Variants in SGCZ observed in about 807,000 individuals in gnomAD.
SGCZ encodes the protein zeta-sarcoglycan.
A neutral mutation model predicts 41.3 loss-of-function variants in SGCZ; 40 were observed. The ratio of observed to expected loss-of-function variants is 0.97; its 90% CI spans 0.75 to 1.26. The LOEUF is 1.26. Among genes scored for constraint, SGCZ ranks in the 50% most tolerant of loss-of-function variants. The probability of loss-of-function intolerance (pLI) is 0.00; values close to 1 mark genes in which losing one functional copy is unlikely to be tolerated. For missense variants in SGCZ, 552 were observed against 369.8 expected (o/e 1.49, Z -4.04); for synonymous variants, 206 against 137.5 (o/e 1.50, Z -3.49).
At chr8:15,116,516 G>C (rs944201003) in intron 1 of SGCZ, among the ~76,000 whole-genome samples, 4 of 152,164 alleles carry the variant, frequency 2.6e-5, no homozygotes, top group African/African-American at 9.7e-5. Context: ...TTTTGTCAAA[G>C]GTCTTTTAGC....
At chr8:14,437,427 T>A (rs781289293) in intron 2 of SGCZ, among the ~76,000 whole-genome samples, 1 of 152,116 alleles carries the variant, frequency 6.6e-6, no homozygotes, top group Non-Finnish European at 1.5e-5. Flanking sequence ...CATATTGCAA[T>A]AGAAACAAAT....
intron 1 of SGCZ, among the ~76,000 whole-genome samples, chr8:14,984,679 A>G (rs1271579707): frequency 4.6e-5 from 7 of 152,190 alleles, no homozygotes; most frequent in East Asian, 1.9e-4. Context: ...CTGGCAATAC[A>G]TATCTTTTGA....
At chr8:14,755,752 C>T (rs999828342) in intron 1 of SGCZ, among the ~76,000 whole-genome samples, 1 of 152,038 alleles carries the variant, frequency 6.6e-6, no homozygotes, top group Admixed American at 6.6e-5. Context: ...TTGCTCATAA[C>T]TGTGATGAAT....
At chr8:14,163,060 CA>C (rs1307203101) in intron 5 of SGCZ, among the ~76,000 whole-genome samples, 1 of 152,054 alleles carries the variant, frequency 6.6e-6, no homozygotes, top group African/African-American at 2.4e-5. Flanking sequence ...TTGGTAGACA[CA>C]AGGTCTCACT....
intron 2 of SGCZ, among the ~76,000 whole-genome samples, chr8:14,551,460 T>TGA (rs1803811079): frequency 1.5e-4 from 1 of 6,772 alleles, no homozygotes; most frequent in Non-Finnish European, 2.6e-4. Context: ...ATATATTATA[T>TGA]ATATTATATA....
chr8:14,828,687 G>C (rs10086345), intron 1 of SGCZ, among the ~76,000 whole-genome samples: 8,868 of 152,220 alleles, frequency 0.058, 349 homozygotes, highest in African/African-American at 0.12. Context: ...GCAGTTGTTT[G>C]GGATGCTCAA....
chr8:14,421,630 G>A (rs72607308), intron 2 of SGCZ, among the ~76,000 whole-genome samples: 1 of 152,034 alleles, frequency 6.6e-6, no homozygotes, highest in African/African-American at 2.4e-5. Context: ...AACCACAGAT[G>A]TGGTTTACTC....
intron 1 of SGCZ, among the ~76,000 whole-genome samples, chr8:14,752,715 A>G (rs1300860971): frequency 6.6e-6 from 1 of 152,204 alleles, no homozygotes; most frequent in Admixed American, 6.5e-5. Flanking sequence ...TAGAAATTGT[A>G]TGGCAGTTTG....
At chr8:14,551,372 C>G (rs577880905) in intron 2 of SGCZ, among the ~76,000 whole-genome samples, 90 of 128,838 alleles carry the variant, frequency 7.0e-4, no homozygotes, top group Non-Finnish European at 7.3e-4. Flanking sequence ...AACCAAATAG[C>G]AATTGATAAC....
chr8:15,210,819 T>A (rs1352288269), intron 1 of SGCZ, among the ~76,000 whole-genome samples: 1 of 152,120 alleles, frequency 6.6e-6, no homozygotes, highest in Non-Finnish European at 1.5e-5. Flanking sequence ...AATCTCCTAT[T>A]GGCCGTTTCT....
At chr8:14,225,981 C>T in intron 4 of SGCZ, among the ~76,000 whole-genome samples, 1 of 151,918 alleles carries the variant, frequency 6.6e-6, no homozygotes, top group East Asian at 1.9e-4. Flanking sequence ...ATTTATTTGA[C>T]AAAATCCATG....
At chr8:14,447,334 CA>C (rs1287232880) in intron 2 of SGCZ, among the ~76,000 whole-genome samples, 1 of 151,782 alleles carries the variant, frequency 6.6e-6, no homozygotes, top group Non-Finnish European at 1.5e-5. Flanking sequence ...ATTATGAAAT[CA>C]AAAAAATACA....
intron 6 of SGCZ, among the ~76,000 whole-genome samples, chr8:14,106,675 A>C (rs1258516755): frequency 6.6e-6 from 1 of 152,188 alleles, no homozygotes; most frequent in Non-Finnish European, 1.5e-5. Context: ...GCTAAACAGC[A>C]ATCCTTATGA....
At chr8:14,398,283 G>C (rs1228937319) in intron 2 of SGCZ, among the ~76,000 whole-genome samples, 2 of 152,130 alleles carry the variant, frequency 1.3e-5, no homozygotes, top group African/African-American at 4.8e-5. Context: ...AATGAGAACA[G>C]TGTGACCTAT....
chr8:14,640,645 TA>T (rs1183675407), intron 1 of SGCZ, among the ~76,000 whole-genome samples: 5 of 86,428 alleles, frequency 5.8e-5, no homozygotes, highest in African/African-American at 2.7e-4. Context: ...AACATATATA[TA>T]GGGGTGTGTG....
intron 2 of SGCZ, among the ~76,000 whole-genome samples, chr8:14,502,648 G>T (rs577808625): frequency 4.6e-5 from 7 of 152,052 alleles, no homozygotes; most frequent in Non-Finnish European, 1.0e-4. Context: ...GCGAAGAATA[G>T]AAAGACACTT....
intron 1 of SGCZ, among the ~76,000 whole-genome samples, chr8:14,810,311 G>A (rs893819543): frequency 6.6e-6 from 1 of 151,934 alleles, no homozygotes; most frequent in East Asian, 1.9e-4. Context: ...CTGAAGTAAG[G>A]TATTGCTATA....
At chr8:15,142,775 C>T (rs1798927589) in intron 1 of SGCZ, among the ~76,000 whole-genome samples, 1 of 151,892 alleles carries the variant, frequency 6.6e-6, no homozygotes, top group African/African-American at 2.4e-5. Context: ...CCGCACCCAG[C>T]TACTTTTTGT....
chr8:15,067,619 A>C (rs1417068467), intron 1 of SGCZ, among the ~76,000 whole-genome samples: 1 of 151,710 alleles, frequency 6.6e-6, no homozygotes, highest in Admixed American at 6.6e-5. Context: ...TTATATTTGT[A>C]CCACTTCTTA....
Sources: allele counts gnomAD v4.1 joint callset (sites outside exome capture counted in the v4.1 genomes callset), GRCh38; gene constraint gnomAD v4.1.1; transcripts MANE v1.5; gene names NCBI Gene and HGNC (gene_info 2026-07-23, HGNC 2026-07-21).